CDH13: variants seen among roughly 807,000 people sequenced by gnomAD.
CDH13 encodes the protein cadherin-13.
A neutral mutation model predicts 63.8 loss-of-function variants in CDH13; 24 were observed. The ratio of observed to expected loss-of-function variants is 0.38; its 90% CI spans 0.27 to 0.53. The LOEUF (loss-of-function observed/expected upper bound fraction) is 0.53. Ranked by LOEUF, CDH13 falls within the 20% of genes least tolerant of loss-of-function variation. The pLI, the probability that CDH13 is intolerant of heterozygous loss-of-function variation, is 0.85. For synonymous variants in CDH13, 503 were observed against 355.3 expected (o/e 1.42, Z -4.67); for missense variants, 1,049 against 903.1 (o/e 1.16, Z -2.07).
intron 2 of CDH13, among the ~76,000 whole-genome samples, chr16:82,930,569 G>A (rs1235987029): frequency 2.0e-5 from 3 of 151,926 alleles, no homozygotes; most frequent in Admixed American, 6.6e-5. Context: ...TTAGAATTAG[G>A]AACCTCTTCA....
At chr16:83,113,035 G>A (rs562815278) in intron 3 of CDH13, among the ~76,000 whole-genome samples, 4 of 152,296 alleles carry the variant, frequency 2.6e-5, no homozygotes, top group South Asian at 2.1e-4. Flanking sequence ...AGCAGGGAGC[G>A]TGAGCCAACA....
At chr16:83,564,396 C>CTGTTT (rs1567767607) in intron 7 of CDH13, among the ~76,000 whole-genome samples, 9 of 49,862 alleles carry the variant, frequency 1.8e-4, no homozygotes, top group South Asian at 1.3e-3. Context: ...TATGGGATGA[C>CTGTTT]TCTTTTTTTT....
At chr16:82,899,599 C>CTG (rs139413421) in intron 2 of CDH13, among the ~76,000 whole-genome samples, 34 of 150,962 alleles carry the variant, frequency 2.3e-4, no homozygotes, top group Non-Finnish European at 3.1e-4. Context: ...GTGTAGGTGC[C>CTG]TGTGTGTGTG....
intron 11 of CDH13, among the ~76,000 whole-genome samples, chr16:83,758,769 C>T (rs1054864691): frequency 1.3e-5 from 2 of 152,118 alleles, no homozygotes; most frequent in African/African-American, 4.8e-5. Context: ...CTAAAAGATA[C>T]TGTTTGCAAT....
chr16:83,191,468 TATATATATATATATATATATGCAC>T (rs1567492944), intron 4 of CDH13, among the ~76,000 whole-genome samples: 3 of 117,966 alleles, frequency 2.5e-5, no homozygotes, highest in African/African-American at 9.3e-5. Flanking sequence ...AATATATATA[TATATATATATATATATATATGCAC>T]ATATATATAT....
chr16:83,725,918 G>A lies in CDH13; in HGVS notation c.1539-22190G>A, dbSNP rs1910329072. The A allele has an allele frequency of 2.6e-5, 4 of 152,156 alleles. No individual in the cohort carries two copies. The South Asian group carries it at 8.3e-4, about 32-fold the overall frequency. The allele number at this position is 152,156 out of a possible 1,614,324, so 9.4% of individuals were successfully genotyped here. A position where few individuals can be genotyped will look rare whatever the true frequency, so the allele number is the denominator to read the frequency against. ...ATTGTACAAATCCTGCATTTGCATT[G>A]GCTCTGAGGACATAAATCAATTCTC... On this transcript the variant is annotated intron_variant, in intron 10 of 13. Transcript: ENST00000567109.
chr16:82,799,776 A>C (rs1020988873), intron 1 of CDH13, among the ~76,000 whole-genome samples: 1 of 152,158 alleles, frequency 6.6e-6, no homozygotes, highest in African/African-American at 2.4e-5. Flanking sequence ...GTGGCTATGG[A>C]ATTTGATTTT....
intron 6 of CDH13, among the ~76,000 whole-genome samples, chr16:83,445,457 T>C (rs8045989): frequency 0.49 from 74,246 of 151,852 alleles, 19,597 homozygotes; most frequent in East Asian, 0.81. Context: ...TTCCTCAGGC[T>C]TCTGGGTCAT....
intron 5 of CDH13, among the ~76,000 whole-genome samples, chr16:83,256,844 C>CAAAAA (rs57312967): frequency 7.6e-5 from 6 of 78,716 alleles, no homozygotes; most frequent in African/African-American, 2.9e-4. Context: ...GACTCCATCT[C>CAAAAA]AAAAAAAAAA....
intron 4 of CDH13, among the ~76,000 whole-genome samples, chr16:83,173,374 A>G (rs1475695332): frequency 6.6e-6 from 1 of 152,134 alleles, no homozygotes; most frequent in African/African-American, 2.4e-5. Flanking sequence ...GAGCTTTTAA[A>G]TATGCTATTA....
intron 5 of CDH13, among the ~76,000 whole-genome samples, chr16:83,223,868 C>T (rs2039771603): frequency 6.6e-6 from 1 of 152,072 alleles, no homozygotes; most frequent in South Asian, 2.1e-4. Flanking sequence ...TTTTGGGGAA[C>T]AGGTGGCGTT....
rs191411716 is a variant in CDH13 at position 82,696,798 on chromosome 16, G to T, written c.45+69661G>T. Among the ~76,000 whole-genome samples the T allele has an allele frequency of 2.1e-3, 321 of 152,298 alleles. 1 individual carries two copies. Among genetic ancestry groups the T allele is most frequent in the Non-Finnish European group, 3.4e-3 (232 of 68,030 alleles). On this transcript the variant is annotated intron_variant, in intron 1 of 13. Coordinates refer to ENST00000567109, the MANE Select transcript of CDH13 (RefSeq NM_001257.5). ...AGTATTATTACAGAAACATTGCAAT[G>T]AGGTACTTGTAGTTCAGAGTCTTTC...
chr16:83,697,523 G>A (rs1480311776), intron 10 of CDH13, among the ~76,000 whole-genome samples: 1 of 152,196 alleles, frequency 6.6e-6, no homozygotes, highest in Non-Finnish European at 1.5e-5. Flanking sequence ...CAATGTTAGT[G>A]ATCAACTGTA....
At chr16:83,246,519 T>C (rs951904566) in intron 5 of CDH13, among the ~76,000 whole-genome samples, 1 of 152,190 alleles carries the variant, frequency 6.6e-6, no homozygotes, top group South Asian at 2.1e-4. Flanking sequence ...CTCTATACTT[T>C]TCCATGGTTC....
At chr16:83,501,413 C>A (rs924005542) in intron 7 of CDH13, among the ~76,000 whole-genome samples, 2 of 151,920 alleles carry the variant, frequency 1.3e-5, no homozygotes, top group Non-Finnish European at 2.9e-5. Context: ...TTCAGGTTTT[C>A]TGTCTCCTTG....
At chr16:83,210,089 G>C (rs1411157636) in intron 4 of CDH13, among the ~76,000 whole-genome samples, 1 of 150,942 alleles carries the variant, frequency 6.6e-6, no homozygotes, top group East Asian at 1.9e-4. Context: ...GTTTGAGACA[G>C]AGTCTCGCTC....
At chr16:83,585,419 G>A (rs959071796) in intron 7 of CDH13, among the ~76,000 whole-genome samples, 1 of 152,126 alleles carries the variant, frequency 6.6e-6, no homozygotes, top group Non-Finnish European at 1.5e-5. Flanking sequence ...GGGAGAGGAG[G>A]CTTGACACGA....
chr16:82,867,612 A>G (rs147933030), intron 2 of CDH13, among the ~76,000 whole-genome samples: 1 of 152,272 alleles, frequency 6.6e-6, no homozygotes, highest in East Asian at 1.9e-4. Context: ...CATTAATCAT[A>G]TTTGTACTTA....
chr16:83,789,210 GC>G (rs1916088834), intron 13 of CDH13, among the ~76,000 whole-genome samples: 1 of 152,162 alleles, frequency 6.6e-6, no homozygotes, highest in South Asian at 2.1e-4. Context: ...CATCAAAGTG[GC>G]CGACCCACGT....
Sources: allele counts gnomAD v4.1 joint callset (sites outside exome capture counted in the v4.1 genomes callset), GRCh38; gene constraint gnomAD v4.1.1; transcripts MANE v1.5; gene names NCBI Gene and HGNC (gene_info 2026-07-23, HGNC 2026-07-21).